The following PHACTR1 variants were observed in gnomAD, a reference collection of about 807,000 sequenced individuals.
PHACTR1 encodes the protein phosphatase and actin regulator 1, also known as RPEL repeat containing 1.
In PHACTR1, 16 loss-of-function variants were observed where a neutral mutation model predicts 69.2. The observed-to-expected ratio is 0.23, with a 90% confidence interval of 0.16 to 0.35. The LOEUF (loss-of-function observed/expected upper bound fraction) is 0.35, where lower values mean the gene tolerates loss of function less well. PHACTR1 is among the 10% of genes least tolerant of loss of function. The pLI, the probability that PHACTR1 is intolerant of heterozygous loss-of-function variation, is 1.00. For synonymous variants in PHACTR1, 312 were observed against 284.5 expected (o/e 1.10, Z -0.97); for missense variants, 510 against 734.7 (o/e 0.69, Z 3.54).
intron 4 of PHACTR1, among the ~76,000 whole-genome samples, chr6:13,028,136 T>C (rs1801963741): frequency 6.6e-6 from 1 of 152,172 alleles, no homozygotes; most frequent in Non-Finnish European, 1.5e-5. Flanking sequence ...ATATGTCTTG[T>C]TTTTTGTTTG....
At chr6:12,847,723 G>A (rs1779427515) in intron 4 of PHACTR1, among the ~76,000 whole-genome samples, 1 of 151,874 alleles carries the variant, frequency 6.6e-6, no homozygotes, top group Admixed American at 6.6e-5. Flanking sequence ...TAAGATTCAT[G>A]GTAATAAACT....
intron 5 of PHACTR1, among the ~76,000 whole-genome samples, chr6:13,140,780 T>C (rs750033691): frequency 3.9e-5 from 6 of 152,250 alleles, no homozygotes; most frequent in Non-Finnish European, 7.3e-5. Flanking sequence ...ATAAATTTTC[T>C]TATTTATAGT....
At chr6:12,921,787 GGA>G (rs1787728769) in intron 4 of PHACTR1, among the ~76,000 whole-genome samples, 1 of 76,988 alleles carries the variant, frequency 1.3e-5, no homozygotes, top group Non-Finnish European at 2.7e-5. Context: ...AAACAGGGAG[GGA>G]GGGAAGAAGG....
chr6:12,880,442 G>C (rs1782974563), intron 4 of PHACTR1, among the ~76,000 whole-genome samples: 1 of 152,004 alleles, frequency 6.6e-6, no homozygotes, highest in African/African-American at 2.4e-5. Context: ...TTTTTGTAGA[G>C]AAGAGGTTTT....
At chr6:12,867,033 A>AAG (rs891436226) in intron 4 of PHACTR1, among the ~76,000 whole-genome samples, 3 of 151,244 alleles carry the variant, frequency 2.0e-5, no homozygotes, top group South Asian at 4.2e-4. Flanking sequence ...ACCTGTAGTG[A>AAG]AGAGAGAGAG....
chr6:13,195,706 T>C (rs1232378), intron 7 of PHACTR1, among the ~76,000 whole-genome samples: 53,183 of 139,348 alleles, frequency 0.38, 10,119 homozygotes, highest in East Asian at 0.6. Flanking sequence ...TGCAGTGAGC[T>C]GAGATCGCGC....
At chr6:13,271,001 T>G (rs1777585409) in intron 10 of PHACTR1, among the ~76,000 whole-genome samples, 1 of 146,278 alleles carries the variant, frequency 6.8e-6, no homozygotes. Context: ...AGTTGCCACA[T>G]GCTTTTTTTT....
intron 5 of PHACTR1, among the ~76,000 whole-genome samples, chr6:13,137,862 C>CTA (rs773126740): frequency 4.4e-4 from 67 of 152,216 alleles, no homozygotes; most frequent in Non-Finnish European, 8.4e-4. Flanking sequence ...AGGAATGGTG[C>CTA]TATATCTCAA....
Position 12,905,159 on chromosome 6 carries a change from G to A in PHACTR1, c.251-148206G>A, listed in dbSNP as rs969937423. Among the ~76,000 whole-genome samples the A allele has an allele frequency of 2.0e-5, 3 of 152,306 alleles. No individual in the cohort carries two copies. In the East Asian group the frequency reaches 5.8e-4, roughly 29 times the overall value. ...CTTAAATGGGGACAAGATAGCTATA[G>A]ATTTTTAAAGTTTCTCCAGGGGATT... On this transcript the variant is annotated intron_variant, in intron 4 of 14. Coordinates refer to ENST00000332995, the MANE Select transcript of PHACTR1 (RefSeq NM_030948.6).
At chr6:13,232,761 G>A (rs1037973943) in intron 10 of PHACTR1, among the ~76,000 whole-genome samples, 1 of 152,114 alleles carries the variant, frequency 6.6e-6, no homozygotes, top group African/African-American at 2.4e-5. Context: ...AGGGTGGTTG[G>A]GGTGGGTGGG....
At chr6:12,929,575 C>T (rs879922524) in intron 4 of PHACTR1, among the ~76,000 whole-genome samples, 1 of 152,204 alleles carries the variant, frequency 6.6e-6, no homozygotes, top group South Asian at 2.1e-4. Context: ...GACACAACAA[C>T]AAGGTGACTC....
chr6:12,849,368 G>A (rs536755246), intron 4 of PHACTR1, among the ~76,000 whole-genome samples: 3 of 152,308 alleles, frequency 2.0e-5, no homozygotes, highest in Admixed American at 1.3e-4. Flanking sequence ...TACTTGCCAG[G>A]AAGAGAAGGT....
rs564053823 is a variant in PHACTR1 at position 12,796,762 on chromosome 6, A to G, written c.250+46972A>G. Among the ~76,000 whole-genome samples the G allele has an allele frequency of 1.7e-3, 259 of 152,356 alleles. 1 individual carries two copies. The highest frequency in any genetic ancestry group is 6.0e-3 in the African/African-American group (250 of 41,582). On this transcript the variant is annotated intron_variant, in intron 4 of 14. Transcript: ENST00000332995. ...CCAAAGCTAGAGTCCATAGCAATGA[A>G]TAAGCAGATACACAAAGTAGCAACT...
chr6:13,201,151 A>C (rs1765182457), intron 7 of PHACTR1, among the ~76,000 whole-genome samples: 1 of 152,106 alleles, frequency 6.6e-6, no homozygotes, highest in Non-Finnish European at 1.5e-5. Flanking sequence ...CCATCCAGGA[A>C]CTAGCTGGGA....
At chr6:13,192,629 A>ATG (rs1193376814) in intron 7 of PHACTR1, among the ~76,000 whole-genome samples, 2 of 152,226 alleles carry the variant, frequency 1.3e-5, no homozygotes, top group Admixed American at 6.5e-5. Context: ...ATGGACAGTA[A>ATG]TGCTGTTCGA....
chr6:13,051,095 G>C (rs139028188), intron 4 of PHACTR1, among the ~76,000 whole-genome samples: 1 of 152,030 alleles, frequency 6.6e-6, no homozygotes, highest in East Asian at 1.9e-4. Context: ...TCCTGATCAC[G>C]TACCTTCTCG....
At position 12,766,546 on chromosome 6, in the gene PHACTR1, A is replaced by T. The variant is rs78400070; in HGVS notation, c.250+16756A>T. 8.5e-4 allele frequency among the ~76,000 whole-genome samples: 130 copies of T among 152,318 alleles called. 1 individual carries two copies. Among genetic ancestry groups the T allele is most frequent in the African/African-American group, 2.8e-3 (118 of 41,570 alleles). The stretch of plus-strand genomic sequence containing the variant: ...GTGCATATCTCTTCCCAATTTCAAG[A>T]TTAGTGACGTCATATTGGTAGCTTG... On this transcript the variant is annotated intron_variant, in intron 4 of 14. Transcript: ENST00000332995.
chr6:13,190,199 T>TTTTTTTTTTTG (rs1322772146), intron 7 of PHACTR1, among the ~76,000 whole-genome samples: 2 of 42,414 alleles, frequency 4.7e-5, no homozygotes, highest in Middle Eastern at 9.8e-3. Flanking sequence ...AATTTTTGTA[T>TTTTTTTTTTTG]TTTTTTTTTT....
At chr6:13,237,657 T>C (rs1397602775) in intron 10 of PHACTR1, among the ~76,000 whole-genome samples, 1 of 152,258 alleles carries the variant, frequency 6.6e-6, no homozygotes, top group Non-Finnish European at 1.5e-5. Context: ...TTAGTTTGAA[T>C]GTACAGTCAT....
Sources: gnomAD v4.1 joint callset for allele counts (sites outside exome capture counted in the v4.1 genomes callset) on GRCh38, gnomAD v4.1.1 for gene constraint, MANE v1.5 for transcripts, NCBI Gene and HGNC (gene_info 2026-07-23, HGNC 2026-07-21) for gene names.